Variants in DLG2 observed in about 807,000 individuals in gnomAD.
DLG2 encodes the protein disks large homolog 2.
Under a neutral mutation model 132.5 loss-of-function variants are expected in DLG2, and 45 were observed. That is an observed-to-expected ratio of 0.34 (90% CI 0.27 to 0.44). DLG2 has a LOEUF of 0.44. DLG2 is among the 20% of genes least tolerant of loss of function. DLG2 has a pLI of 1.00. For synonymous variants in DLG2, 424 were observed against 419.6 expected, an observed-to-expected ratio of 1.01 and a Z score of -0.13; for missense variants, 1,045 against 1,196.9, an observed-to-expected ratio of 0.87 and a Z score of 1.87.
chr11:83,748,950 C>T (rs551255703), intron 18 of DLG2, among the ~76,000 whole-genome samples: 2 of 152,276 alleles, frequency 1.3e-5, no homozygotes, highest in African/African-American at 4.8e-5. Flanking sequence ...CAATTTATCT[C>T]TAAAACATTT....
chr11:85,570,337 T>A (rs113251694), intron 3 of DLG2, among the ~76,000 whole-genome samples: 37 of 152,310 alleles, frequency 2.4e-4, no homozygotes, highest in African/African-American at 7.9e-4. Context: ...ATATTCCATA[T>A]GGACTTGAGA....
intron 6 of DLG2, among the ~76,000 whole-genome samples, chr11:85,101,702 C>A (rs2070872546): frequency 6.6e-6 from 1 of 151,950 alleles, no homozygotes; most frequent in Non-Finnish European, 1.5e-5. Context: ...TTGTACAAAC[C>A]TGTGAAAAAA....
chr11:83,973,220 T>C (rs1331295247), intron 12 of DLG2, among the ~76,000 whole-genome samples: 1 of 152,124 alleles, frequency 6.6e-6, no homozygotes, highest in African/African-American at 2.4e-5. Context: ...AGAAATATAT[T>C]AGTGGCAACC....
intron 7 of DLG2, among the ~76,000 whole-genome samples, chr11:84,464,594 A>C (rs1439212869): frequency 6.6e-6 from 1 of 151,030 alleles, no homozygotes; most frequent in Non-Finnish European, 1.5e-5. Flanking sequence ...TTATCTTTTC[A>C]GAGCAAAAAT....
intron 4 of DLG2, among the ~76,000 whole-genome samples, chr11:85,275,835 C>T (rs1365555263): frequency 1.3e-5 from 2 of 152,018 alleles, no homozygotes; most frequent in African/African-American, 2.4e-5. Flanking sequence ...GGTCCTGACT[C>T]CACAGTATTG....
chr11:83,472,263 A>C (rs1321375139), intron 23 of DLG2, among the ~76,000 whole-genome samples: 1 of 152,138 alleles, frequency 6.6e-6, no homozygotes, highest in Non-Finnish European at 1.5e-5. Context: ...CTGATGCTTG[A>C]ATTCTCTCTG....
intron 6 of DLG2, among the ~76,000 whole-genome samples, chr11:84,599,405 C>A (rs557011873): frequency 1.2e-4 from 19 of 152,296 alleles, no homozygotes; most frequent in Middle Eastern, 6.8e-3. Context: ...GCAGAATCAG[C>A]TTTCTCCAGG....
intron 7 of DLG2, among the ~76,000 whole-genome samples, chr11:84,254,048 T>C (rs2097427217): frequency 1.3e-5 from 2 of 152,170 alleles, no homozygotes; most frequent in Non-Finnish European, 2.9e-5. Context: ...GTTTTTAGTT[T>C]TGATGACATC....
chr11:84,920,587 C>T (rs1252543540), intron 6 of DLG2, among the ~76,000 whole-genome samples: 1 of 152,168 alleles, frequency 6.6e-6, no homozygotes, highest in Non-Finnish European at 1.5e-5. Flanking sequence ...AAAGCAAGCA[C>T]TGTTTCTATC....
intron 2 of DLG2, among the ~76,000 whole-genome samples, chr11:85,616,803 CCAAGAG>C (rs1400515046): frequency 6.6e-6 from 1 of 152,030 alleles, no homozygotes; most frequent in Non-Finnish European, 1.5e-5. Context: ...GCAGCAAGAC[CCAAGAG>C]GAATGGCATT....
chr11:84,491,576 G>A (rs989283228), intron 7 of DLG2, among the ~76,000 whole-genome samples: 3 of 152,092 alleles, frequency 2.0e-5, no homozygotes, highest in Non-Finnish European at 4.4e-5. Flanking sequence ...CCACATCCTT[G>A]TTTGTTCTAA....
intron 6 of DLG2, among the ~76,000 whole-genome samples, chr11:84,668,597 G>A (rs1018470106): frequency 3.9e-5 from 6 of 152,010 alleles, no homozygotes; most frequent in African/African-American, 1.4e-4. Flanking sequence ...CGCTTGGATG[G>A]CATAAAAATC....
chr11:85,392,896 C>A (rs1375481240), intron 3 of DLG2, among the ~76,000 whole-genome samples: 1 of 152,036 alleles, frequency 6.6e-6, no homozygotes, highest in Non-Finnish European at 1.5e-5. Context: ...TCGGAAAAAC[C>A]CTTCTAGACA....
In DLG2 at chr11:85,270,983, G is replaced by T. The variant is rs540640886; in HGVS notation, c.186+14237C>A. 4.9e-4 allele frequency among the ~76,000 whole-genome samples: 74 copies of T among 152,324 alleles called. 1 individual carries two copies. Among genetic ancestry groups the T allele is most frequent in the African/African-American group, 1.6e-3 (66 of 41,572 alleles). On this transcript the variant is annotated intron_variant, in intron 4 of 27. Transcript: ENST00000376104. The stretch of plus-strand genomic sequence containing the variant: ...CATTTTCTGAGGAGAAATTCAAGCT[G>T]GCTGCAGACATTTGCATAAATAATG...
chr11:84,740,364 C>A (rs1385754483), intron 6 of DLG2, among the ~76,000 whole-genome samples: 1 of 152,126 alleles, frequency 6.6e-6, no homozygotes, highest in Non-Finnish European at 1.5e-5. Flanking sequence ...ACTGGATATA[C>A]TTACAATCCT....
chr11:83,657,872 C>G (rs2073134037), intron 18 of DLG2, among the ~76,000 whole-genome samples: 1 of 152,152 alleles, frequency 6.6e-6, no homozygotes, highest in Non-Finnish European at 1.5e-5. Context: ...CTTCTTGCTA[C>G]CAAAGCATTG....
At chr11:84,719,112 G>C (rs1428725943) in intron 6 of DLG2, among the ~76,000 whole-genome samples, 1 of 152,100 alleles carries the variant, frequency 6.6e-6, no homozygotes, top group African/African-American at 2.4e-5. Flanking sequence ...AGATTCTCTA[G>C]GCATAGCCAA....
intron 6 of DLG2, among the ~76,000 whole-genome samples, chr11:84,843,454 A>G (rs2154011465): frequency 6.6e-6 from 1 of 151,986 alleles, no homozygotes; most frequent in Middle Eastern, 3.4e-3. Context: ...ATTCCCCAGA[A>G]TGTACTAAGC....
chr11:84,816,442 T>A (rs1206837176), intron 6 of DLG2, among the ~76,000 whole-genome samples: 1 of 151,934 alleles, frequency 6.6e-6, no homozygotes, highest in Non-Finnish European at 1.5e-5. Context: ...TGAAATCTAA[T>A]GAATTTTCTT....
Sources: allele counts gnomAD v4.1 joint callset (sites outside exome capture counted in the v4.1 genomes callset), GRCh38; gene constraint gnomAD v4.1.1; transcripts MANE v1.5; gene names NCBI Gene and HGNC (gene_info 2026-07-23, HGNC 2026-07-21).